ZNF431: variants seen among roughly 807,000 people sequenced by gnomAD.
The protein encoded by ZNF431 is zinc finger protein 431.
In ZNF431, 34 loss-of-function variants were observed where a neutral mutation model predicts 57.0. That is an observed-to-expected ratio of 0.60 (90% CI 0.45 to 0.79). The LOEUF is 0.79. ZNF431 is among the 30% of genes least tolerant of loss of function. The probability of loss-of-function intolerance (pLI) is 0.00; values close to 1 mark genes in which losing one functional copy is unlikely to be tolerated. For synonymous variants in ZNF431, 207 were observed against 220.3 expected, an observed-to-expected ratio of 0.94 and a Z score of 0.54; for missense variants, 607 against 667.1, an observed-to-expected ratio of 0.91 and a Z score of 0.99.
At chr19:21,156,010 C>T (rs969470136) in intron 2 of ZNF431, among the ~76,000 whole-genome samples, 18 of 152,278 alleles carry the variant, frequency 1.2e-4, no homozygotes, top group Non-Finnish European at 1.2e-4. Context: ...AAAGCTGCCA[C>T]CACAGGATTC....
At chr19:21,157,069 CA>C (rs2144961624) in intron 2 of ZNF431, among the ~76,000 whole-genome samples, 1 of 152,232 alleles carries the variant, frequency 6.6e-6, no homozygotes, top group Admixed American at 6.5e-5. Flanking sequence ...TGAACCACCT[CA>C]CCCAACCATA....
At position 21,184,866 on chromosome 19, in the gene ZNF431, A is replaced by T. The variant is rs1195627991; in HGVS notation, c.*832A>T. ...AAGAGTATTTATTTTGAAGTTGAACATCACAAATATAAAAAGGGTTGTAGT... is the reference window on the plus strand; with the variant it reads ...AAGAGTATTTATTTTGAAGTTGAACTTCACAAATATAAAAAGGGTTGTAGT... On this transcript the variant is annotated 3_prime_UTR_variant, in exon 5 of 5. Transcript: ENST00000311048. The T allele has an allele frequency of 6.6e-6, 1 of 152,234 alleles. No individual in the cohort carries two copies. The highest frequency in any genetic ancestry group is 6.5e-5 in the Admixed American group (1 of 15,274). The allele number at this position is 152,234 out of a possible 1,614,324, so 9.4% of individuals were successfully genotyped here.
chr19:21,143,659 A>C lies in ZNF431; in HGVS notation c.96+16A>C, dbSNP rs1970003781. The C allele has an allele frequency of 6.3e-7, 1 of 1,598,598 alleles. No homozygotes were observed. On this transcript the variant is annotated intron_variant, in intron 2 of 4. Coordinates refer to ENST00000311048, the MANE Select transcript of ZNF431 (RefSeq NM_133473.4). ...TTTTGAAAAGGTAACCTCTTGAGAC[A>C]TTAAAATTGTCTACGCCCAACCCAG...
Position 21,193,049 on chromosome 19 carries a change from A to G in ZNF431, c.*9015A>G, listed in dbSNP as rs1320567065. The G allele has an allele frequency of 6.6e-6, 1 of 152,234 alleles. No homozygotes were observed. The highest frequency in any genetic ancestry group is 1.5e-5 in the Non-Finnish European group (1 of 68,042). The allele number at this position is 152,234 out of a possible 1,614,324, so 9.4% of individuals were successfully genotyped here. ...GAACTCTTGAACAGGGCAAAAATGT[A>G]TAAAATATATAATGAAATTGAATTA... On this transcript the variant is annotated 3_prime_UTR_variant, in exon 5 of 5. Coordinates refer to ENST00000311048, the MANE Select transcript of ZNF431 (RefSeq NM_133473.4).
chr19:21,195,902 T>C lies in ZNF431; in HGVS notation c.*11868T>C, dbSNP rs1436375104. On this transcript the variant is annotated 3_prime_UTR_variant, in exon 5 of 5. Transcript: ENST00000311048. Reference sequence around the variant, plus strand: ...ACACACTGAAAATCCAGCAAAGCAATTATTTTTCTCTTTTTAACTGGAAAT... The same window carrying C: ...ACACACTGAAAATCCAGCAAAGCAACTATTTTTCTCTTTTTAACTGGAAAT... 1 of 152,244 alleles carries C rather than the reference T, an allele frequency of 6.6e-6. No homozygotes were observed. The highest frequency in any genetic ancestry group is 2.4e-5 in the African/African-American group (1 of 41,458). The allele number at this position is 152,244 out of a possible 1,614,324, so 9.4% of individuals were successfully genotyped here.
Position 21,183,070 on chromosome 19 carries a change from G to T in ZNF431, c.767G>T (p.Gly256Val). 1.9e-6 allele frequency: 3 copies of T among 1,614,024 alleles called. No homozygotes were observed. Among genetic ancestry groups the T allele is most frequent in the Non-Finnish European group, 2.5e-6 (3 of 1,179,952 alleles). Residue 256 changes from glycine (G) to valine (V), a missense_variant, in exon 5 of 5, where the codon GGA becomes GTA. Transcript: ENST00000311048. ...ACTAGACACAAGAGAATTCATACTG[G>T]AGAGAAACCCTTCAAATGTGAAGAA... ...TLTRHKRIHT[G>V]EKPFKCEECG...
Position 21,184,095 on chromosome 19 carries a change from G to C in ZNF431, c.*61G>C. 3 of 1,444,928 alleles carry C rather than the reference G, an allele frequency of 2.1e-6. No individual in the cohort carries two copies. The highest frequency in any genetic ancestry group is 2.8e-6 in the Non-Finnish European group (3 of 1,081,860). The allele number at this position is 1,444,928 out of a possible 1,614,324, so 89.5% of individuals were successfully genotyped here. A position where few individuals can be genotyped will look rare whatever the true frequency, so the allele number is the denominator to read the frequency against. ...CCGGGTGCGGTGGCTTATGCAAAATGGCTCCCAGCATTTTGGGAGGCTGAG... is the reference window on the plus strand; with the variant it reads ...CCGGGTGCGGTGGCTTATGCAAAATCGCTCCCAGCATTTTGGGAGGCTGAG... On this transcript the variant is annotated 3_prime_UTR_variant, in exon 5 of 5. Coordinates refer to ENST00000311048, the MANE Select transcript of ZNF431 (RefSeq NM_133473.4).
intron 2 of ZNF431, chr19:21,149,866 T>C: frequency 1.5e-6 from 1 of 645,400 alleles, no homozygotes; most frequent in Non-Finnish European, 2.9e-6. Context: ...TCCTGTGGAC[T>C]AGACGTCCTA....
At chr19:21,164,750 T>G (rs1405830262) in intron 2 of ZNF431, among the ~76,000 whole-genome samples, 1 of 152,030 alleles carries the variant, frequency 6.6e-6, no homozygotes, top group Non-Finnish European at 1.5e-5. Flanking sequence ...GCTTGTGTTT[T>G]TCCTCCCCAG....
chr19:21,146,722 A>G (rs2144923375), intron 2 of ZNF431, among the ~76,000 whole-genome samples: 1 of 152,272 alleles, frequency 6.6e-6, no homozygotes, highest in Middle Eastern at 3.4e-3. Context: ...TGTTTTGTCC[A>G]CAAGGTCTTT....
intron 2 of ZNF431, among the ~76,000 whole-genome samples, chr19:21,149,011 G>T (rs1279165151): frequency 6.6e-6 from 1 of 152,166 alleles, no homozygotes; most frequent in Non-Finnish European, 1.5e-5. Flanking sequence ...TTCCTTCAGT[G>T]AATTATTTCA....
intron 2 of ZNF431, chr19:21,149,761 G>T: frequency 1.6e-6 from 1 of 635,568 alleles, no homozygotes; most frequent in Non-Finnish European, 2.9e-6. Context: ...ATCTCATCCT[G>T]TCATTGTAGT....
chr19:21,161,749 G>A (rs978570817), intron 2 of ZNF431, among the ~76,000 whole-genome samples: 3 of 151,974 alleles, frequency 2.0e-5, no homozygotes, highest in Non-Finnish European at 4.4e-5. Flanking sequence ...CACCTCCCTG[G>A]TTCAAGTGAT....
chr19:21,176,929 C>G (rs1037135545), intron 4 of ZNF431, among the ~76,000 whole-genome samples: 1 of 152,088 alleles, frequency 6.6e-6, no homozygotes, highest in Non-Finnish European at 1.5e-5. Flanking sequence ...ACTCCTGACC[C>G]CATCCTCATC....
At chr19:21,148,733 A>G (rs1312065858) in intron 2 of ZNF431, among the ~76,000 whole-genome samples, 1 of 152,220 alleles carries the variant, frequency 6.6e-6, no homozygotes, top group Non-Finnish European at 1.5e-5. Flanking sequence ...GTTAACTCTT[A>G]GCAACTTTTA....
intron 4 of ZNF431, chr19:21,175,619 A>G (rs901469215): frequency 9.9e-6 from 5 of 504,980 alleles, no homozygotes; most frequent in African/African-American, 8.0e-5. Context: ...GTTTCCCTCC[A>G]TATGTCCATG....
At position 21,188,301 on chromosome 19, in the gene ZNF431, T is replaced by C. The variant is rs1013829716; in HGVS notation, c.*4267T>C. The stretch of plus-strand genomic sequence containing the variant: ...TAAAAGGTGCAATACTGTCCACAGG[T>C]AAGATAATTAAATTAGTCAGCTTTG... On this transcript the variant is annotated 3_prime_UTR_variant, in exon 5 of 5. Transcript: ENST00000311048. 9.1e-5 allele frequency: 10 copies of C among 109,612 alleles called. No individual in the cohort carries two copies. Among genetic ancestry groups the C allele is most frequent in the Non-Finnish European group, 2.3e-4 (10 of 43,512 alleles). 6.8% of individuals were successfully genotyped at this position (109,612 alleles called of 1,614,324 possible).
At chr19:21,175,700 T>C (rs974339922) in intron 4 of ZNF431, among the ~76,000 whole-genome samples, 1 of 152,228 alleles carries the variant, frequency 6.6e-6, no homozygotes, top group African/African-American at 2.4e-5. Context: ...CTTGTATTAG[T>C]TTGCTGAAAA....
At position 21,184,448 on chromosome 19, in the gene ZNF431, T is replaced by A. The variant is rs1350370683; in HGVS notation, c.*414T>A. ...TTAACAGACATAAGATAATTTATAC[T>A]GGAGAGAAACTCTACAAATCAGAAA... On this transcript the variant is annotated 3_prime_UTR_variant, in exon 5 of 5. Transcript: ENST00000311048. The A allele has an allele frequency of 6.4e-6, 1 of 157,192 alleles. No individual in the cohort carries two copies. Among genetic ancestry groups the A allele is most frequent in the African/African-American group, 2.4e-5 (1 of 41,510 alleles). The allele number at this position is 157,192 out of a possible 1,614,324, so 9.7% of individuals were successfully genotyped here. A position where few individuals can be genotyped will look rare whatever the true frequency, so the allele number is the denominator to read the frequency against.
Sources: gnomAD v4.1 joint callset for allele counts (sites outside exome capture counted in the v4.1 genomes callset) on GRCh38, gnomAD v4.1.1 for gene constraint, MANE v1.5 for transcripts, NCBI Gene and HGNC (gene_info 2026-07-23, HGNC 2026-07-21) for gene names.